The following BMP5 variants were observed in gnomAD, a reference collection of about 807,000 sequenced individuals.
The protein encoded by BMP5 is bone morphogenetic protein 5.
BMP5 carries 23 observed loss-of-function variants against 46.6 expected under a neutral mutation model. That is an observed-to-expected ratio of 0.49 (90% confidence interval 0.35 to 0.70). The LOEUF is 0.70. BMP5 is among the 30% of genes least tolerant of loss of function. BMP5 has a pLI of 0.00. For synonymous variants in BMP5, 204 were observed against 191.9 expected, an observed-to-expected ratio of 1.06 and a Z score of -0.52; for missense variants, 545 against 565.6, an observed-to-expected ratio of 0.96 and a Z score of 0.37.
chr6:55,867,631 G>A (rs758091795), intron 1 of BMP5, among the ~76,000 whole-genome samples: 2 of 152,028 alleles, frequency 1.3e-5, no homozygotes, highest in Non-Finnish European at 2.9e-5. Context: ...ACAGGGTCCC[G>A]GGCTTAGAAG....
At chr6:55,866,173 T>C (rs1458870958) in intron 1 of BMP5, among the ~76,000 whole-genome samples, 1 of 152,188 alleles carries the variant, frequency 6.6e-6, no homozygotes, top group Non-Finnish European at 1.5e-5. Context: ...AATTTCCAAC[T>C]GTAGCAAATT....
intron 1 of BMP5, among the ~76,000 whole-genome samples, chr6:55,829,359 AT>A (rs113928869): frequency 1.8e-3 from 278 of 150,692 alleles, no homozygotes; most frequent in African/African-American, 2.6e-3. Context: ...TTTTTTTCAG[AT>A]TTTTTTTTAT....
intron 3 of BMP5, among the ~76,000 whole-genome samples, chr6:55,781,452 T>C (rs1426699101): frequency 6.6e-6 from 1 of 152,118 alleles, no homozygotes; most frequent in Non-Finnish European, 1.5e-5. Context: ...AGCTTTTAGA[T>C]GTCAAACACA....
rs149375286 is a variant in BMP5, at chr6:55,825,665, G to A, written c.491-5818C>T. Among the ~76,000 whole-genome samples the A allele has an allele frequency of 2.3e-3, 343 of 151,862 alleles. 2 individuals are homozygous for A. Among genetic ancestry groups the A allele is most frequent in the Non-Finnish European group, 3.0e-3 (206 of 67,840 alleles). On this transcript the variant is annotated intron_variant, in intron 1 of 6. Transcript: ENST00000370830. Reference sequence around the variant, plus strand: ...AATGACTTTATCACTAATAGAAACTGGATGAAATTGTCCTGGGCTAAATAT... The same window carrying A: ...AATGACTTTATCACTAATAGAAACTAGATGAAATTGTCCTGGGCTAAATAT...
At chr6:55,755,751 T>C (rs1774576964) in intron 6 of BMP5, 69 bp from the exon 7 acceptor site, 1 of 1,449,206 alleles carries the variant, frequency 6.9e-7, no homozygotes, top group Non-Finnish European at 9.6e-7. Context: ...TTTAAAATGG[T>C]ATGATTATTT....
At chr6:55,816,046 A>G (rs1163295451) in intron 2 of BMP5, among the ~76,000 whole-genome samples, 1 of 152,122 alleles carries the variant, frequency 6.6e-6, no homozygotes, top group East Asian at 1.9e-4. Context: ...AAATACAATT[A>G]ATAAATATAT....
At chr6:55,873,786 G>A (rs1777838963) in intron 1 of BMP5, among the ~76,000 whole-genome samples, 2 of 151,898 alleles carry the variant, frequency 1.3e-5, no homozygotes, top group Admixed American at 6.6e-5. Context: ...TTACAGTTAA[G>A]AACTGTTAGA....
In BMP5 at chr6:55,759,124, TACACACACACAC is replaced by T. The variant is rs749127959; in HGVS notation, c.1105-21_1105-10del. The T allele has an allele frequency of 4.6e-6, 2 of 437,226 alleles. No individual in the cohort carries two copies. The highest frequency in any genetic ancestry group is 8.6e-6 in the Non-Finnish European group (2 of 232,486). 27.1% of individuals were successfully genotyped at this position (437,226 alleles called of 1,614,324 possible). A position where few individuals can be genotyped will look rare whatever the true frequency, so the allele number is the denominator to read the frequency against. ...GGTGCTATAATCCAGTCCTGACACA[TACACACACACAC>T]ACACACACAAAAAAAAAAAAAAAAA... On this transcript the variant is annotated splice_polypyrimidine_tract_variant and intron_variant, in intron 5 of 6. Coordinates refer to ENST00000370830, the MANE Select transcript of BMP5 (RefSeq NM_021073.4).
At chr6:55,827,095 G>A (rs1776551304) in intron 1 of BMP5, among the ~76,000 whole-genome samples, 2 of 151,654 alleles carry the variant, frequency 1.3e-5, no homozygotes, top group South Asian at 4.1e-4. Context: ...AGTCAGTGTT[G>A]TGGAGACAAT....
chr6:55,756,337 G>T (rs1329746661), intron 6 of BMP5, among the ~76,000 whole-genome samples: 1 of 151,714 alleles, frequency 6.6e-6, no homozygotes, highest in Non-Finnish European at 1.5e-5. Context: ...CCAAAAAGCA[G>T]GCTAAGCTAA....
intron 4 of BMP5, among the ~76,000 whole-genome samples, chr6:55,763,547 G>A (rs568663775): frequency 1.2e-4 from 18 of 152,260 alleles, no homozygotes; most frequent in Non-Finnish European, 2.1e-4. Flanking sequence ...AGAATAAGCC[G>A]TAGGAGGAAG....
At chr6:55,850,218 T>A (rs1582117902) in intron 1 of BMP5, among the ~76,000 whole-genome samples, 1 of 152,198 alleles carries the variant, frequency 6.6e-6, no homozygotes, top group East Asian at 1.9e-4. Flanking sequence ...TATATTGTAA[T>A]TTTGTTGTTG....
chr6:55,823,733 C>T (rs1335495085), intron 1 of BMP5, among the ~76,000 whole-genome samples: 1 of 151,888 alleles, frequency 6.6e-6, no homozygotes, highest in East Asian at 1.9e-4. Context: ...AGAACCCTTC[C>T]CCTTCCCTTT....
At position 55,804,424 on chromosome 6, in the gene BMP5, T is replaced by G. The variant is rs1582078524; in HGVS notation, c.684-9997A>C. 1.3e-5 allele frequency among the ~76,000 whole-genome samples: 2 copies of G among 152,154 alleles called. 1 individual carries two copies. The highest frequency in any genetic ancestry group is 3.9e-4 in the East Asian group (2 of 5,190). On this transcript the variant is annotated intron_variant, in intron 2 of 6. Coordinates refer to ENST00000370830, the MANE Select transcript of BMP5 (RefSeq NM_021073.4). The stretch of plus-strand genomic sequence containing the variant: ...TAGAGGTTTTGGAGGGTGCGTGGCC[T>G]TACCAATTCCTTGATTTGGGAAACC...
At chr6:55,763,044 T>A (rs940856115) in intron 4 of BMP5, among the ~76,000 whole-genome samples, 15 of 152,132 alleles carry the variant, frequency 9.9e-5, no homozygotes, top group African/African-American at 3.6e-4. Context: ...TAAAGACCAC[T>A]CTTAGTAGGT....
At position 55,780,478 on chromosome 6, in the gene BMP5, G is replaced by GAA. The variant is rs532514709; in HGVS notation, c.833-6237_833-6236dup. ...TACTAAAAAAAAAAAAAAAAAGAAA[G>GAA]AAAGAAAGAAAGAAAGAAAGAAACG... On this transcript the variant is annotated intron_variant, in intron 3 of 6. Transcript: ENST00000370830. 4.4e-4 allele frequency among the ~76,000 whole-genome samples: 50 copies of GAA among 113,404 alleles called. 1 individual carries two copies. In the South Asian group the frequency reaches 7.9e-3, roughly 18 times the overall value. 74.4% of individuals were successfully genotyped at this position (113,404 alleles called of 152,430 possible).
At chr6:55,830,982 G>A (rs553339482) in intron 1 of BMP5, among the ~76,000 whole-genome samples, 13 of 151,944 alleles carry the variant, frequency 8.6e-5, no homozygotes, top group African/African-American at 3.1e-4. Context: ...TTTTCCTAAA[G>A]AAGGGAAAAC....
chr6:55,807,459 G>T (rs1006621518), intron 2 of BMP5, among the ~76,000 whole-genome samples: 4 of 152,192 alleles, frequency 2.6e-5, no homozygotes, highest in Non-Finnish European at 4.4e-5. Flanking sequence ...GCTGGAATCG[G>T]TTTGCCAGTA....
In BMP5 at chr6:55,819,824, G is replaced by T. The variant is rs1776366311; in HGVS notation, c.514C>A (p.His172Asn). The T allele has an allele frequency of 6.2e-7, 1 of 1,613,616 alleles. No homozygotes were observed. Among genetic ancestry groups the T allele is most frequent in the African/African-American group, 1.3e-5 (1 of 74,902 alleles). ...NLVERDKDFS[H>N]QRRHYKEFRF... ...AATTCTTTGTAATGCCTTCGCTGGT[G>T]AGAAAAATCCTTGTCTCTTTCAACT... is the stretch of plus-strand genomic sequence containing the variant. Residue 172 changes from histidine to asparagine, a missense_variant, in exon 2 of 7, where the codon CAC becomes AAC. Physicochemically the swap from His to Asn is moderately conservative, Grantham distance 68 (BLOSUM62 1). Transcript: ENST00000370830.
Sources: allele counts gnomAD v4.1 joint callset (sites outside exome capture counted in the v4.1 genomes callset), GRCh38; gene constraint gnomAD v4.1.1; transcripts MANE v1.5; gene names NCBI Gene and HGNC (gene_info 2026-07-23, HGNC 2026-07-21).